The following PCDHA4 variants were observed in gnomAD, a reference collection of about 807,000 sequenced individuals.
PCDHA4 encodes protocadherin alpha-4.
In PCDHA4, 49 loss-of-function variants were observed where a neutral mutation model predicts 61.4. That is an observed-to-expected ratio of 0.80 (90% confidence interval 0.63 to 1.01). The LOEUF (loss-of-function observed/expected upper bound fraction) is 1.01, where lower values mean the gene tolerates loss of function less well. Among genes scored for constraint, PCDHA4 ranks in the 50% least tolerant of loss-of-function variants. The probability of loss-of-function intolerance (pLI) is 0.00; values close to 1 mark genes in which losing one functional copy is unlikely to be tolerated. For missense variants in PCDHA4, 1,254 were observed against 1,235.8 expected (o/e 1.01, Z -0.22); for synonymous variants, 590 against 550.3 (o/e 1.07, Z -1.01).
chr5:140,884,499 C>T (rs782667822), intron 1 of PCDHA4: 1 of 1,614,062 alleles, frequency 6.2e-7, no homozygotes, highest in South Asian at 1.1e-5. Flanking sequence ...TGCTCCAGCG[C>T]GGCAGGGAGT....
At chr5:140,813,378 A>G (rs1765280639) in intron 1 of PCDHA4, 1 of 152,242 alleles carries the variant, frequency 6.6e-6, no homozygotes, top group Non-Finnish European at 1.5e-5. Context: ...CCTAGGTTAC[A>G]TGATCTATTG....
chr5:140,835,503 G>A, intron 1 of PCDHA4: 2 of 1,613,910 alleles, frequency 1.2e-6, no homozygotes, highest in Non-Finnish European at 1.7e-6. Flanking sequence ...ATTGATTAGC[G>A]TGTTTGACCG....
chr5:140,977,163 AATG>A (rs1554238313), intron 1 of PCDHA4, among the ~76,000 whole-genome samples: 2 of 152,198 alleles, frequency 1.3e-5, no homozygotes, highest in Non-Finnish European at 2.9e-5. Flanking sequence ...CTTTCAGCAA[AATG>A]AGTTTGATGA....
chr5:141,005,339 T>C (rs920058303), intron 3 of PCDHA4, among the ~76,000 whole-genome samples: 5 of 151,926 alleles, frequency 3.3e-5, no homozygotes, highest in African/African-American at 9.7e-5. Context: ...GCCAAGGGGG[T>C]GCTGCTTGGC....
chr5:140,823,275 G>A lies in PCDHA4; in HGVS notation c.2385+13703G>A, dbSNP rs2150124243. The stretch of plus-strand genomic sequence containing the variant: ...CGCTGGTGGAGCGGCGGGTGGGCGA[G>A]CGCCCGCTGTCGAGTTACGTTTCGG... On this transcript the variant is annotated intron_variant, in intron 1 of 3. Coordinates refer to ENST00000530339, the MANE Select transcript of PCDHA4 (RefSeq NM_018907.4). 9.9e-6 allele frequency: 16 copies of A among 1,612,480 alleles called. No homozygotes were observed. The East Asian group carries it at 1.6e-4, about 16-fold the overall frequency.
At chr5:140,849,842 C>A (rs2150452935) in intron 1 of PCDHA4, 1 of 1,598,534 alleles carries the variant, frequency 6.3e-7, no homozygotes, top group Non-Finnish European at 8.6e-7. Context: ...CCGACGTGAA[C>A]GACAACGCAC....
chr5:140,869,679 G>A, intron 1 of PCDHA4: 1 of 1,613,452 alleles, frequency 6.2e-7, no homozygotes, highest in Non-Finnish European at 8.5e-7. Flanking sequence ...TTAAAAGACT[G>A]TCACTTATTT....
intron 1 of PCDHA4, among the ~76,000 whole-genome samples, chr5:140,900,906 G>C (rs2068354860): frequency 6.6e-6 from 1 of 152,096 alleles, no homozygotes; most frequent in African/African-American, 2.4e-5. Context: ...CATTTTAACT[G>C]TGGTAAGATG....
At chr5:140,860,393 A>C (rs1463611060) in intron 1 of PCDHA4, 1 of 152,136 alleles carries the variant, frequency 6.6e-6, no homozygotes, top group Non-Finnish European at 1.5e-5. Flanking sequence ...AAATTGAAAA[A>C]AGCAAAAGCA....
chr5:140,892,555 T>C (rs1554185273), intron 1 of PCDHA4, among the ~76,000 whole-genome samples: 1 of 152,260 alleles, frequency 6.6e-6, no homozygotes, highest in African/African-American at 2.4e-5. Context: ...TCTCTAGTCC[T>C]TGGAGACTGT....
chr5:140,892,661 T>A (rs2063613573), intron 1 of PCDHA4, among the ~76,000 whole-genome samples: 1 of 152,232 alleles, frequency 6.6e-6, no homozygotes, highest in Non-Finnish European at 1.5e-5. Flanking sequence ...CAGAGTGACA[T>A]TTTGATACAT....
chr5:140,808,193 G>A lies in PCDHA4; in HGVS notation c.1006G>A (p.Val336Ile). 6.2e-7 allele frequency: 1 copy of A among 1,614,238 alleles called. No individual in the cohort carries two copies. Among genetic ancestry groups the A allele is most frequent in the Non-Finnish European group, 8.5e-7 (1 of 1,180,050 alleles). Reference protein sequence around the residue: ...GQLPLSGHCRVIVEVEDNNDN... With the variant: ...GQLPLSGHCRIIVEVEDNNDN... ...GCTCCCACTTTCTGGCCATTGTAGA[G>A]TTATTGTGGAAGTAGAAGACAACAA... The change falls in exon 1 of 4, where the codon GTT (valine) becomes ATT (isoleucine). Residue 336 changes from valine (V) to isoleucine (I), a missense_variant. By Grantham distance (29) the Val-to-Ile change is conservative (BLOSUM62 3). Transcript: ENST00000530339.
rs1481118058 is a variant in PCDHA4, at chr5:140,808,373, A to G, written c.1186A>G (p.Lys396Glu). The change falls in exon 1 of 4, where the codon AAG (lysine) becomes GAG (glutamate). Residue 396 changes from lysine (K) to glutamate (E), a missense_variant. By Grantham distance (56) the Lys-to-Glu change is moderately conservative. Coordinates refer to ENST00000530339, the MANE Select transcript of PCDHA4 (RefSeq NM_018907.4). ...CTCCTTGACGTCCCACGTCCCCTTC[A>G]AGCTGGTGTCCACCTTCAAGAATTA... ...TCSLTSHVPF[K>E]LVSTFKNYYS... is the part of the protein sequence containing the mutation. The G allele has an allele frequency of 1.9e-6, 3 of 1,614,030 alleles. No homozygotes were observed. The highest frequency in any genetic ancestry group is 1.7e-5 in the Admixed American group (1 of 60,008).
intron 1 of PCDHA4, among the ~76,000 whole-genome samples, chr5:140,888,838 A>G (rs2061999996): frequency 6.6e-6 from 1 of 152,078 alleles, no homozygotes; most frequent in East Asian, 1.9e-4. Flanking sequence ...ACTCCACTGC[A>G]GCCTGGTGAC....
intron 1 of PCDHA4, among the ~76,000 whole-genome samples, chr5:140,905,954 C>G (rs1297429672): frequency 6.6e-6 from 1 of 152,158 alleles, no homozygotes; most frequent in Non-Finnish European, 1.5e-5. Context: ...ATCCGATGTT[C>G]AAGGGGAGGA....
intron 1 of PCDHA4, among the ~76,000 whole-genome samples, chr5:140,832,237 T>C (rs1554133481): frequency 4.6e-5 from 7 of 152,218 alleles, no homozygotes. Flanking sequence ...TTTGACTTTT[T>C]GTGTTGTCCA....
At chr5:140,922,839 C>T (rs2081023123) in intron 1 of PCDHA4, among the ~76,000 whole-genome samples, 1 of 152,140 alleles carries the variant, frequency 6.6e-6, no homozygotes, top group South Asian at 2.1e-4. Context: ...TAGATGTCCT[C>T]AAAGAGACCA....
chr5:140,959,622 A>T (rs1489618654), intron 1 of PCDHA4, among the ~76,000 whole-genome samples: 1 of 152,194 alleles, frequency 6.6e-6, no homozygotes, highest in Admixed American at 6.5e-5. Flanking sequence ...TTGTGATAGA[A>T]AAAAAGAGAG....
At chr5:140,975,610 C>T (rs1412581927) in intron 1 of PCDHA4, among the ~76,000 whole-genome samples, 5 of 152,160 alleles carry the variant, frequency 3.3e-5, no homozygotes, top group Non-Finnish European at 7.4e-5. Flanking sequence ...TGATGTCTTC[C>T]ACATGGATTT....
Sources: gnomAD v4.1 joint callset for allele counts (sites outside exome capture counted in the v4.1 genomes callset) on GRCh38, gnomAD v4.1.1 for gene constraint, MANE v1.5 for transcripts, NCBI Gene and HGNC (gene_info 2026-07-23, HGNC 2026-07-21) for gene names.